The following SNX3 variants were observed in gnomAD, a reference collection of about 807,000 sequenced individuals.
The protein encoded by SNX3 is sorting nexin 3, also known as sorting nexin-3.
A neutral mutation model predicts 17.7 loss-of-function variants in SNX3; 5 were observed. That is an observed-to-expected ratio of 0.28 (90% CI 0.15 to 0.59). SNX3 has a LOEUF of 0.59. Ranked by LOEUF, SNX3 falls within the 20% of genes least tolerant of loss-of-function variation. The pLI is 0.88. For missense variants in SNX3, 132 were observed against 206.8 expected (o/e 0.64, Z 2.22); for synonymous variants, 91 against 76.5 (o/e 1.19, Z -0.99).
chr6:108,237,383 G>GT (rs1305524702), intron 1 of SNX3, among the ~76,000 whole-genome samples: 1 of 152,104 alleles, frequency 6.6e-6, no homozygotes, highest in African/African-American at 2.4e-5. Context: ...TGGAAGCATG[G>GT]TAAGATTTTA....
chr6:108,258,457 C>CA (rs531778288), intron 1 of SNX3, among the ~76,000 whole-genome samples: 11,304 of 88,648 alleles, frequency 0.13, 562 homozygotes, highest in Admixed American at 0.26. Flanking sequence ...GACTCCGTCT[C>CA]AAAAAAAAAA....
chr6:108,231,993 G>A (rs933084170), intron 1 of SNX3, among the ~76,000 whole-genome samples: 1 of 152,140 alleles, frequency 6.6e-6, no homozygotes, highest in African/African-American at 2.4e-5. Context: ...GAAATTCGGG[G>A]TAATGCTCAA....
intron 1 of SNX3, 25 bp from the exon 2 acceptor site, chr6:108,223,070 A>T (rs1582474989): frequency 1.5e-6 from 2 of 1,337,262 alleles, no homozygotes; most frequent in Non-Finnish European, 2.1e-6. Flanking sequence ...GTTAGTCCTA[A>T]ATTGAAGCAC....
At chr6:108,246,986 A>C (rs1417645157) in intron 1 of SNX3, among the ~76,000 whole-genome samples, 4 of 152,158 alleles carry the variant, frequency 2.6e-5, no homozygotes, top group Non-Finnish European at 5.9e-5. Context: ...GTTTGGCTGT[A>C]TGTCCCTATC....
Position 108,260,788 on chromosome 6 carries a change from C to T in SNX3, c.134G>A (p.Arg45His). ...NPQTVGVGRGRFTTYEIRVKT... is the reference protein window; with the variant it reads ...NPQTVGVGRGHFTTYEIRVKT... ...GACCCTGATTTCGTAAGTGGTGAAG[C>T]GGCCCCGGCCGACCCCCACCGTTTG... is the stretch of plus-strand genomic sequence containing the variant. Residue 45 changes from arginine to histidine, a missense_variant, in exon 1 of 4, where the codon CGC becomes CAC. Around this residue, in one of 2 missense-constraint regions of SNX3, gnomAD observed 78 missense variants for 88.8 expected, o/e 0.88. Transcript: ENST00000230085. The T allele has an allele frequency of 6.2e-7, 1 of 1,613,852 alleles. No homozygotes were observed. Among genetic ancestry groups the T allele is most frequent in the Non-Finnish European group, 8.5e-7 (1 of 1,179,856 alleles).
At chr6:108,258,351 A>G (rs1776090334) in intron 1 of SNX3, among the ~76,000 whole-genome samples, 2 of 150,684 alleles carry the variant, frequency 1.3e-5, no homozygotes, top group South Asian at 4.2e-4. Flanking sequence ...CCAGCTACTC[A>G]GGAGGCTGAG....
At chr6:108,218,626 T>TA (rs768055666) in intron 2 of SNX3, among the ~76,000 whole-genome samples, 4 of 152,134 alleles carry the variant, frequency 2.6e-5, no homozygotes, top group Non-Finnish European at 5.9e-5. Flanking sequence ...GTCCACCAAA[T>TA]AAGTGTATAA....
rs539831541 is a variant in SNX3, at chr6:108,223,970, C to T, written c.163-925G>A. On this transcript the variant is annotated intron_variant, in intron 1 of 3. Coordinates refer to ENST00000230085, the MANE Select transcript of SNX3 (RefSeq NM_003795.6). ...CTAAGCAGGGGTGAAAAAAGGCTAG[C>T]TCTTGACTATTCTCCAGCTTAGCTA... Among the ~76,000 whole-genome samples the T allele has an allele frequency of 8.5e-5, 13 of 152,220 alleles. No individual in the cohort carries two copies. The South Asian group carries it at 2.1e-3, about 24-fold the overall frequency.
chr6:108,232,494 C>T (rs954269964), intron 1 of SNX3, among the ~76,000 whole-genome samples: 16 of 152,106 alleles, frequency 1.1e-4, no homozygotes, highest in African/African-American at 3.6e-4. Flanking sequence ...CTCACAGATA[C>T]CCTATATGTT....
intron 1 of SNX3, among the ~76,000 whole-genome samples, chr6:108,237,305 T>C (rs1025485522): frequency 6.6e-6 from 1 of 152,188 alleles, no homozygotes; most frequent in African/African-American, 2.4e-5. Context: ...CCCTCTACTC[T>C]GAGTTGCAGA....
chr6:108,251,150 G>A (rs545045500), intron 1 of SNX3, among the ~76,000 whole-genome samples: 1 of 152,130 alleles, frequency 6.6e-6, no homozygotes, highest in East Asian at 1.9e-4. Flanking sequence ...GATATGCCAT[G>A]TCTTCATGCT....
At chr6:108,219,125 G>A (rs528041575) in intron 2 of SNX3, among the ~76,000 whole-genome samples, 26 of 152,334 alleles carry the variant, frequency 1.7e-4, no homozygotes, top group Non-Finnish European at 3.8e-4. Context: ...GCCAAGGCGG[G>A]CGGATCACAA....
intron 2 of SNX3, among the ~76,000 whole-genome samples, chr6:108,219,377 A>G (rs965107517): frequency 2.0e-5 from 3 of 152,128 alleles, no homozygotes; most frequent in African/African-American, 7.2e-5. Flanking sequence ...AGGCCAAGGC[A>G]GGAGGATTAC....
intron 2 of SNX3, 31 bp from the exon 3 acceptor site, chr6:108,214,653 A>G (rs781419748): frequency 4.4e-5 from 71 of 1,601,560 alleles, no homozygotes; most frequent in Non-Finnish European, 6.0e-5. Flanking sequence ...CTCCTTGATC[A>G]TGATGACTGG....
intron 1 of SNX3, among the ~76,000 whole-genome samples, chr6:108,257,723 T>C (rs993134642): frequency 6.6e-6 from 1 of 152,186 alleles, no homozygotes; most frequent in Non-Finnish European, 1.5e-5. Context: ...CTCAGCACTT[T>C]GGGAGGCCAA....
At chr6:108,241,934 T>C (rs1775534191) in intron 1 of SNX3, among the ~76,000 whole-genome samples, 1 of 152,144 alleles carries the variant, frequency 6.6e-6, no homozygotes, top group Non-Finnish European at 1.5e-5. Context: ...AAACCATGCT[T>C]AAAGAACTGA....
At chr6:108,232,441 A>T (rs958187408) in intron 1 of SNX3, among the ~76,000 whole-genome samples, 2 of 152,178 alleles carry the variant, frequency 1.3e-5, no homozygotes, top group African/African-American at 4.8e-5. Flanking sequence ...CCAAAAAGGT[A>T]GGTCTTATAC....
chr6:108,218,468 C>G (rs1322546306), intron 2 of SNX3, among the ~76,000 whole-genome samples: 1 of 152,120 alleles, frequency 6.6e-6, no homozygotes, highest in Non-Finnish European at 1.5e-5. Context: ...AACGGTCTGC[C>G]AATTCCTCAA....
At chr6:108,257,889 G>A (rs984325927) in intron 1 of SNX3, among the ~76,000 whole-genome samples, 2 of 151,984 alleles carry the variant, frequency 1.3e-5, no homozygotes, top group African/African-American at 4.8e-5. Flanking sequence ...GCTTGAACTC[G>A]GAAGGCAGAG....
Sources: allele counts gnomAD v4.1 joint callset (sites outside exome capture counted in the v4.1 genomes callset), GRCh38; gene constraint gnomAD v4.1.1; regional missense constraint gnomAD v4.1.1; transcripts MANE v1.5; gene names NCBI Gene and HGNC (gene_info 2026-07-23, HGNC 2026-07-21).